DSCAM: variants seen among roughly 807,000 people sequenced by gnomAD.
DSCAM encodes DS cell adhesion molecule.
DSCAM carries 47 observed loss-of-function variants against 217.7 expected under a neutral mutation model. That is an observed-to-expected ratio of 0.22 (90% CI 0.17 to 0.28). DSCAM has a LOEUF of 0.28. Ranked by LOEUF, DSCAM falls within the 10% of genes least tolerant of loss-of-function variation. The pLI, the probability that DSCAM is intolerant of heterozygous loss-of-function variation, is 1.00. For missense variants in DSCAM, 2,080 were observed against 2,618.3 expected (o/e 0.79, Z 4.49); for synonymous variants, 1,056 against 1,015.3 (o/e 1.04, Z -0.76).
intron 1 of DSCAM, among the ~76,000 whole-genome samples, chr21:40,787,938 A>G (rs543110081): frequency 6.6e-6 from 1 of 152,330 alleles, no homozygotes; most frequent in African/African-American, 2.4e-5. Flanking sequence ...GACCACAGAA[A>G]AACAGACACT....
chr21:40,689,938 T>A (rs140754717), intron 3 of DSCAM, among the ~76,000 whole-genome samples: 1 of 152,226 alleles, frequency 6.6e-6, no homozygotes, highest in Non-Finnish European at 1.5e-5. Flanking sequence ...AAGCCAAGAA[T>A]CCCAGTGCTT....
At position 40,013,112 on chromosome 21, in the gene DSCAM, G is replaced by A. The variant is rs371483822; in HGVS notation, c.5961C>T (p.Ser1987=). Residue 1987 remains serine (S), a synonymous_variant, in exon 33 of 33, where the codon AGC becomes AGT. Transcript: ENST00000400454. Reference sequence around the variant, plus strand: ...GGGAGTCGAGCAGTGATTCTTGGGAGCTGCTCATTTTAGCTGCCTGTCCCA... The same window carrying A: ...GGGAGTCGAGCAGTGATTCTTGGGAACTGCTCATTTTAGCTGCCTGTCCCA... ...AELGQAAKMS[S]SQESLLDSRG... 4 of 1,607,610 alleles carry A rather than the reference G, an allele frequency of 2.5e-6. No individual in the cohort carries two copies. The African/African-American group carries it at 5.4e-5, about 22-fold the overall frequency.
intron 3 of DSCAM, among the ~76,000 whole-genome samples, chr21:40,571,734 A>G (rs1021598120): frequency 3.3e-5 from 5 of 152,234 alleles, no homozygotes; most frequent in African/African-American, 4.8e-5. Flanking sequence ...GAGCATCCCC[A>G]GTCCAAATAT....
At chr21:40,289,669 G>A (rs190169238) in intron 10 of DSCAM, among the ~76,000 whole-genome samples, 11 of 152,208 alleles carry the variant, frequency 7.2e-5, no homozygotes, top group Non-Finnish European at 1.2e-4. Flanking sequence ...ATCTCTTACT[G>A]TGCCTGATTT....
chr21:40,509,440 T>A (rs529126566), intron 3 of DSCAM, among the ~76,000 whole-genome samples: 1 of 152,300 alleles, frequency 6.6e-6, no homozygotes, highest in South Asian at 2.1e-4. Context: ...GAGATTTGAT[T>A]TTCTATTTTT....
At chr21:40,298,891 CTCA>C (rs2073984560) in intron 9 of DSCAM, among the ~76,000 whole-genome samples, 2 of 152,186 alleles carry the variant, frequency 1.3e-5, no homozygotes, top group African/African-American at 4.8e-5. Context: ...TCCTTAAAAT[CTCA>C]TCAAAGAAGT....
intron 32 of DSCAM, among the ~76,000 whole-genome samples, chr21:40,040,598 G>A (rs2088729026): frequency 6.6e-6 from 1 of 152,154 alleles, no homozygotes; most frequent in African/African-American, 2.4e-5. Flanking sequence ...CAAGAAGGAA[G>A]AGGAGGTCAG....
chr21:40,685,922 G>T lies in DSCAM; in HGVS notation c.508+6888C>A, dbSNP rs1048673033. On this transcript the variant is annotated intron_variant, in intron 3 of 32. Coordinates refer to ENST00000400454, the MANE Select transcript of DSCAM (RefSeq NM_001389.5). ...AGAAATCACTGCATATCCATGGGAG[G>T]AAACTGAGGCAAACAAAAACAAAAA... Among the ~76,000 whole-genome samples, 7 of 152,146 alleles carry T rather than the reference G, an allele frequency of 4.6e-5. No homozygotes were observed. In the South Asian group the frequency reaches 1.0e-3, roughly 23 times the overall value.
At chr21:40,360,356 T>TA (rs920814769) in intron 4 of DSCAM, among the ~76,000 whole-genome samples, 9 of 151,838 alleles carry the variant, frequency 5.9e-5, no homozygotes, top group Admixed American at 4.6e-4. Context: ...GGATGGTCTC[T>TA]ATCTCCTGAC....
chr21:40,559,855 C>T lies in DSCAM; in HGVS notation c.508+132955G>A, dbSNP rs561690766. 1.2e-3 allele frequency among the ~76,000 whole-genome samples: 180 copies of T among 144,898 alleles called. 3 individuals carry two copies. In the Middle Eastern group the frequency reaches 0.031, roughly 25 times the overall value. On this transcript the variant is annotated intron_variant, in intron 3 of 32. Transcript: ENST00000400454. ...TCTCCCAGGCTGGAGTGCAGTGGCG[C>T]GATCTCGGCTCACTGCAAGCTCCGC... is the stretch of plus-strand genomic sequence containing the variant.
At chr21:40,652,112 A>G (rs528855007) in intron 3 of DSCAM, among the ~76,000 whole-genome samples, 30 of 149,258 alleles carry the variant, frequency 2.0e-4, no homozygotes, top group Middle Eastern at 6.9e-3. Flanking sequence ...GTGAGAACAC[A>G]TGGACACATG....
intron 1 of DSCAM, among the ~76,000 whole-genome samples, chr21:40,829,974 G>C (rs1175995378): frequency 6.6e-6 from 1 of 152,136 alleles, no homozygotes; most frequent in Non-Finnish European, 1.5e-5. Context: ...GCTTAAGAAA[G>C]CCATGTTTGC....
At chr21:40,680,425 A>G (rs1056641173) in intron 3 of DSCAM, among the ~76,000 whole-genome samples, 1 of 152,208 alleles carries the variant, frequency 6.6e-6, no homozygotes, top group African/African-American at 2.4e-5. Context: ...GGAAGGTCTC[A>G]CAACTGTGCA....
At chr21:40,590,546 A>G (rs9305700) in intron 3 of DSCAM, among the ~76,000 whole-genome samples, 69,656 of 152,158 alleles carry the variant, frequency 0.46, 16,638 homozygotes, top group Admixed American at 0.55. Flanking sequence ...AAATGAGGTA[A>G]CATATTTAAA....
intron 11 of DSCAM, among the ~76,000 whole-genome samples, chr21:40,244,099 C>T (rs976026829): frequency 7.2e-5 from 11 of 152,172 alleles, no homozygotes; most frequent in African/African-American, 1.7e-4. Context: ...CATTCTGTCA[C>T]GGTGAACTAA....
intron 11 of DSCAM, among the ~76,000 whole-genome samples, chr21:40,193,084 G>T (rs541008975): frequency 6.6e-6 from 1 of 152,168 alleles, no homozygotes; most frequent in East Asian, 1.9e-4. Context: ...GAGGTGTTAA[G>T]ATTCAGCATT....
chr21:40,675,430 A>T (rs1338001356), intron 3 of DSCAM, among the ~76,000 whole-genome samples: 1 of 152,132 alleles, frequency 6.6e-6, no homozygotes. Flanking sequence ...TTATTCCTTC[A>T]TTTCCATCCA....
chr21:40,732,515 T>C (rs1179599294), intron 1 of DSCAM, among the ~76,000 whole-genome samples: 1 of 152,202 alleles, frequency 6.6e-6, no homozygotes, highest in Non-Finnish European at 1.5e-5. Context: ...AATAACTTCA[T>C]CTCCTTGGAG....
chr21:40,399,276 C>CAA (rs373693310), intron 3 of DSCAM, among the ~76,000 whole-genome samples: 1 of 139,748 alleles, frequency 7.2e-6, no homozygotes, highest in African/African-American at 2.9e-5. Flanking sequence ...TCTCACAAAA[C>CAA]AAAACAAAAC....
Sources: allele counts gnomAD v4.1 joint callset (sites outside exome capture counted in the v4.1 genomes callset), GRCh38; gene constraint gnomAD v4.1.1; transcripts MANE v1.5; gene names NCBI Gene and HGNC (gene_info 2026-07-23, HGNC 2026-07-21).